ZKSCAN1: variants seen among roughly 807,000 people sequenced by gnomAD.
ZKSCAN1 encodes the protein zinc finger with KRAB and SCAN domains 1, also known as zinc finger protein with KRAB and SCAN domains 1.
Under a neutral mutation model 51.6 loss-of-function variants are expected in ZKSCAN1, and 14 were observed. The ratio of observed to expected loss-of-function variants is 0.27; its 90% confidence interval spans 0.18 to 0.42. The LOEUF is 0.42. Among genes scored for constraint, ZKSCAN1 ranks in the 10% least tolerant of loss-of-function variants. The probability of loss-of-function intolerance (pLI) is 1.00; values close to 1 mark genes in which losing one functional copy is unlikely to be tolerated. For synonymous variants in ZKSCAN1, 263 were observed against 261.5 expected (o/e 1.01, Z -0.06); for missense variants, 531 against 710.0 (o/e 0.75, Z 2.86).
At chr7:100,045,069 T>C (rs1791686099), downstream of ZKSCAN1, 3 of 781,156 alleles carry the variant, frequency 3.8e-6, no homozygotes, top group Non-Finnish European at 4.7e-6. Flanking sequence ...TCTTTTCCTC[T>C]CCTGGGTTTC....
Position 100,021,041 on chromosome 7 carries a change from A to AG in ZKSCAN1, c.-88-2377dup, listed in dbSNP as rs556570806. On this transcript the variant is annotated intron_variant, in intron 1 of 5. Transcript: ENST00000324306. ...TTTATATTTTTAACAAATAGGCTTA[A>AG]GACCCACCTGAAATTCTTCATTTGA... 3.9e-5 allele frequency among the ~76,000 whole-genome samples: 6 copies of AG among 151,992 alleles called. No individual in the cohort carries two copies. In the South Asian group the frequency reaches 8.3e-4, roughly 21 times the overall value.
In ZKSCAN1 at chr7:100,033,309, T is replaced by G; in HGVS notation, c.804T>G (p.Gly268=). The G allele has an allele frequency of 6.3e-7, 1 of 1,595,342 alleles. No individual in the cohort carries two copies. Among genetic ancestry groups the G allele is most frequent in the Non-Finnish European group, 8.5e-7 (1 of 1,173,490 alleles). ...ENYGSAFPQG[G]ENRNENEEST... Reference sequence around the variant, plus strand: ...ATTTTCTATTTATTATGTCAGGTGGTGAAAACAGGAATGAGAACGAGGAGT... The same window carrying G: ...ATTTTCTATTTATTATGTCAGGTGGGGAAAACAGGAATGAGAACGAGGAGT... Residue 268 remains glycine, a synonymous_variant, in exon 6 of 6, where the codon GGT becomes GGG. Transcript: ENST00000324306. The surrounding 1 kb of genome is among the most constrained non-coding windows in gnomAD (Gnocchi z 4.1).
At position 100,034,320 on chromosome 7, in the gene ZKSCAN1, G is replaced by A; in HGVS notation, c.*123G>A. On this transcript the variant is annotated 3_prime_UTR_variant, in exon 6 of 6. Coordinates refer to ENST00000324306, the MANE Select transcript of ZKSCAN1 (RefSeq NM_003439.4). The stretch of plus-strand genomic sequence containing the variant: ...ATTAAAAAACAAAAGTCACACTTAA[G>A]GATCCTTCTAGTCACATCAGCAGTG... 1 of 1,475,428 alleles carries A rather than the reference G, an allele frequency of 6.8e-7. No individual in the cohort carries two copies. The highest frequency in any genetic ancestry group is 1.4e-5 in the African/African-American group (1 of 71,256). 91.4% of individuals were successfully genotyped at this position (1,475,428 alleles called of 1,614,324 possible). A position where few individuals can be genotyped will look rare whatever the true frequency, so the allele number is the denominator to read the frequency against.
At chr7:100,020,134 T>C (rs769333529) in intron 1 of ZKSCAN1, among the ~76,000 whole-genome samples, 18 of 152,190 alleles carry the variant, frequency 1.2e-4, no homozygotes, top group Non-Finnish European at 2.1e-4. Flanking sequence ...GTTATAGTTA[T>C]GAGAGGGTTC....
chr7:100,032,116 C>T (rs1485237768), intron 5 of ZKSCAN1, among the ~76,000 whole-genome samples: 1 of 152,188 alleles, frequency 6.6e-6, no homozygotes, highest in Non-Finnish European at 1.5e-5. Context: ...GTTTGTTAAT[C>T]ATCAGCTTGT....
intron 5 of ZKSCAN1, among the ~76,000 whole-genome samples, chr7:100,031,381 A>G (rs1437802841): frequency 4.0e-5 from 6 of 149,580 alleles, no homozygotes; most frequent in Non-Finnish European, 7.4e-5. Flanking sequence ...AGGCTCAAGC[A>G]ATCCTCCCAC....
intron 3 of ZKSCAN1, among the ~76,000 whole-genome samples, chr7:100,025,915 G>T (rs143128484): frequency 1.1e-3 from 164 of 152,050 alleles, no homozygotes; most frequent in African/African-American, 3.8e-3. Flanking sequence ...TTAAAACCCG[G>T]TCTCTACTGA....
intron 1 of ZKSCAN1, among the ~76,000 whole-genome samples, chr7:100,016,226 G>C (rs554478954): frequency 6.6e-6 from 1 of 152,270 alleles, no homozygotes; most frequent in East Asian, 1.9e-4. Flanking sequence ...TTCCAGACCT[G>C]CCTTTCCTTC....
intron 1 of ZKSCAN1, among the ~76,000 whole-genome samples, chr7:100,017,278 A>G (rs903256506): frequency 1.3e-5 from 2 of 151,722 alleles, no homozygotes; most frequent in African/African-American, 4.8e-5. Flanking sequence ...GCTGGAGTGC[A>G]GTGGTGCGAT....
At chr7:100,042,318 CAAA>C (rs34258466), downstream of ZKSCAN1, among the ~76,000 whole-genome samples, 5 of 43,642 alleles carry the variant, frequency 1.1e-4, no homozygotes, top group South Asian at 8.4e-4. Context: ...GACTTTGTCT[CAAA>C]AAAAAAAAAA....
Position 100,033,951 on chromosome 7 carries a change from T to G in ZKSCAN1, c.1446T>G (p.Ile482Met). 1.2e-6 allele frequency: 2 copies of G among 1,614,112 alleles called. No individual in the cohort carries two copies. The highest frequency in any genetic ancestry group is 1.7e-6 in the Non-Finnish European group (2 of 1,180,024). Reference protein sequence around the residue: ...QSSDLTKHQRIHTGEKPYECS... With the variant: ...QSSDLTKHQRMHTGEKPYECS... ...CGGACCTCACCAAGCATCAGAGAAT[T>G]CACACGGGGGAGAAACCCTATGAAT... Residue 482 changes from isoleucine to methionine, a missense_variant, in exon 6 of 6, where the codon ATT (isoleucine) becomes ATG (methionine). Ile to Met is a conservative substitution (Grantham distance 10). Around this residue, in one of 2 missense-constraint regions of ZKSCAN1, gnomAD observed 128 missense variants for 219.5 expected, o/e 0.58. Coordinates refer to ENST00000324306, the MANE Select transcript of ZKSCAN1 (RefSeq NM_003439.4). The surrounding 1 kb of genome is among the most constrained non-coding windows in gnomAD (Gnocchi z 4.1).
chr7:100,040,257 A>T lies in ZKSCAN1; in HGVS notation c.*6060A>T. The T allele has an allele frequency of 1.0e-6, 1 of 984,610 alleles. No homozygotes were observed. The highest frequency in any genetic ancestry group is 4.7e-5 in the South Asian group (1 of 21,260). The allele number at this position is 984,610 out of a possible 1,614,324, so 61.0% of individuals were successfully genotyped here. ...TAATAGCGGACACCACCCCAATCTC[A>T]TGTTTTCCTGTTACCCTAAAACAGT... On this transcript the variant is annotated 3_prime_UTR_variant, in exon 6 of 6. Coordinates refer to ENST00000324306, the MANE Select transcript of ZKSCAN1 (RefSeq NM_003439.4).
chr7:100,018,037 T>C (rs145568927), intron 1 of ZKSCAN1, among the ~76,000 whole-genome samples: 165 of 152,332 alleles, frequency 1.1e-3, no homozygotes, highest in African/African-American at 3.8e-3. Flanking sequence ...CCTCATTTAA[T>C]CCTCACGGCA....
chr7:100,037,199 C>G lies in ZKSCAN1; in HGVS notation c.*3002C>G. Reference sequence around the variant, plus strand: ...GATAGTCATTCAAAAGTTCTTGGCCCGCTGAAGTCTGTTAACAGTTGAAAC... The same window carrying G: ...GATAGTCATTCAAAAGTTCTTGGCCGGCTGAAGTCTGTTAACAGTTGAAAC... On this transcript the variant is annotated 3_prime_UTR_variant, in exon 6 of 6. Transcript: ENST00000324306. 4 of 985,402 alleles carry G rather than the reference C, an allele frequency of 4.1e-6. No homozygotes were observed. The highest frequency in any genetic ancestry group is 4.8e-6 in the Non-Finnish European group (4 of 829,932). The allele number at this position is 985,402 out of a possible 1,614,324, so 61.0% of individuals were successfully genotyped here. A position where few individuals can be genotyped will look rare whatever the true frequency, so the allele number is the denominator to read the frequency against.
chr7:100,017,813 C>G (rs1210511359), intron 1 of ZKSCAN1, among the ~76,000 whole-genome samples: 2 of 152,166 alleles, frequency 1.3e-5, no homozygotes, highest in Non-Finnish European at 2.9e-5. Context: ...AAATACCTCT[C>G]TCAGGGATGT....
downstream of ZKSCAN1, among the ~76,000 whole-genome samples, chr7:100,044,481 C>G (rs531608264): frequency 8.6e-5 from 13 of 151,866 alleles, no homozygotes; most frequent in East Asian, 2.5e-3. Context: ...TCCTGGCTAA[C>G]ACGGTGAAAC....
At chr7:100,017,490 T>C (rs1790418484) in intron 1 of ZKSCAN1, among the ~76,000 whole-genome samples, 1 of 152,230 alleles carries the variant, frequency 6.6e-6, no homozygotes, top group East Asian at 1.9e-4. Context: ...CCCAAAGTGC[T>C]GGGATTACGG....
At chr7:100,025,695 G>A (rs531196004) in intron 3 of ZKSCAN1, among the ~76,000 whole-genome samples, 1 of 152,282 alleles carries the variant, frequency 6.6e-6, no homozygotes, top group South Asian at 2.1e-4. Flanking sequence ...ACGCTACAAA[G>A]CTGTACAGTA....
At position 100,038,185 on chromosome 7, in the gene ZKSCAN1, G is replaced by A; in HGVS notation, c.*3988G>A. 1 of 985,382 alleles carries A rather than the reference G, an allele frequency of 1.0e-6. No individual in the cohort carries two copies. Among genetic ancestry groups the A allele is most frequent in the Non-Finnish European group, 1.2e-6 (1 of 829,934 alleles). 61.0% of individuals were successfully genotyped at this position (985,382 alleles called of 1,614,324 possible). On this transcript the variant is annotated 3_prime_UTR_variant, in exon 6 of 6. Coordinates refer to ENST00000324306, the MANE Select transcript of ZKSCAN1 (RefSeq NM_003439.4). ...TATTTTATATGACCATAATGTCCGTGTGTGTTTTGTACCTTCAGTCCCTTG... is the reference window on the plus strand; with the variant it reads ...TATTTTATATGACCATAATGTCCGTATGTGTTTTGTACCTTCAGTCCCTTG...
Sources: gnomAD v4.1 joint callset for allele counts (sites outside exome capture counted in the v4.1 genomes callset) on GRCh38, gnomAD v4.1.1 for gene constraint, gnomAD v4.1.1 regional missense constraint, Gnocchi (gnomAD v3.1) non-coding constraint, MANE v1.5 for transcripts, NCBI Gene and HGNC (gene_info 2026-07-23, HGNC 2026-07-21) for gene names.